Variants in TMPRSS9 observed in about 807,000 individuals in gnomAD.
TMPRSS9 encodes transmembrane serine protease 9.
TMPRSS9 carries 113 observed loss-of-function variants against 111.4 expected under a neutral mutation model. That is an observed-to-expected ratio of 1.01 (90% confidence interval 0.87 to 1.19). The LOEUF (loss-of-function observed/expected upper bound fraction) is 1.19. Ranked by LOEUF, TMPRSS9 falls within the 50% of genes most tolerant of loss-of-function variation. The probability of loss-of-function intolerance (pLI) is 0.00; values close to 1 mark genes in which losing one functional copy is unlikely to be tolerated. For missense variants in TMPRSS9, 1,803 were observed against 1,513.1 expected, an observed-to-expected ratio of 1.19 and a Z score of -3.18; for synonymous variants, 805 against 659.1, an observed-to-expected ratio of 1.22 and a Z score of -3.39.
At chr19:2,363,821 TGTGAGA>T (rs1970226041) in intron 1 of TMPRSS9, among the ~76,000 whole-genome samples, 2 of 112,082 alleles carry the variant, frequency 1.8e-5, no homozygotes, top group East Asian at 2.9e-4. Context: ...CGCGTGTGTG[TGTGAGA>T]GAGAGAGAGA....
Position 2,418,273 on chromosome 19 carries a change from C to T in TMPRSS9, c.2154+135C>T. 6 of 976,574 alleles carry T rather than the reference C, an allele frequency of 6.1e-6. 1 individual carries two copies. The South Asian group carries it at 9.9e-5, about 16-fold the overall frequency. 60.5% of individuals were successfully genotyped at this position (976,574 alleles called of 1,614,324 possible). A position where few individuals can be genotyped will look rare whatever the true frequency, so the allele number is the denominator to read the frequency against. On this transcript the variant is annotated intron_variant, in intron 13 of 17. Coordinates refer to ENST00000648592, the Ensembl canonical transcript of TMPRSS9. ...CCCCCTCCTTCCCTCCTTGTCCTTC[C>T]CTCCTTTTCCTTTCCTCCTTTCCTT...
At chr19:2,415,961 C>A in intron 11 of TMPRSS9, 120 bp downstream of exon 12, 1 of 1,208,782 alleles carries the variant, frequency 8.3e-7, no homozygotes, top group Non-Finnish European at 1.1e-6. Context: ...CCCTTCCTCT[C>A]CTGAGGGCAG....
chr19:2,397,013 C>T (rs961125338), intron 2 of TMPRSS9, among the ~76,000 whole-genome samples: 1 of 151,724 alleles, frequency 6.6e-6, no homozygotes, highest in Non-Finnish European at 1.5e-5. Flanking sequence ...CTCCGCTGCT[C>T]AGGTTCAAGC....
chr19:2,419,226 C>T (rs541708045), intron 13 of TMPRSS9, among the ~76,000 whole-genome samples: 9 of 143,916 alleles, frequency 6.3e-5, no homozygotes, highest in East Asian at 4.1e-4. Context: ...TTCTTTCTGA[C>T]GGAGTCTGGC....
At chr19:2,415,599 GACC>G in intron 10 of TMPRSS9, 68 bp from the exon 12 acceptor site, 1 of 1,376,754 alleles carries the variant, frequency 7.3e-7, no homozygotes, top group South Asian at 1.6e-5. Context: ...GGTGTCCTGG[GACC>G]ACCCCACCGG....
At chr19:2,374,285 T>TA (rs1970313239) in intron 1 of TMPRSS9, among the ~76,000 whole-genome samples, 1 of 108,488 alleles carries the variant, frequency 9.2e-6, no homozygotes, top group Non-Finnish European at 1.8e-5. Context: ...TTTTTTTTTT[T>TA]AAAGAGGTAG....
chr19:2,382,232 C>A (rs1970393601), intron 1 of TMPRSS9, among the ~76,000 whole-genome samples: 1 of 152,154 alleles, frequency 6.6e-6, no homozygotes, highest in African/African-American at 2.4e-5. Flanking sequence ...GCAACCTCTG[C>A]CTCTGAGGTT....
At chr19:2,384,069 G>A (rs10417197) in intron 1 of TMPRSS9, among the ~76,000 whole-genome samples, 59,634 of 151,890 alleles carry the variant, frequency 0.39, 12,127 homozygotes, top group East Asian at 0.6. Context: ...TCCCTCCAGA[G>A]AAGCCCTCGG....
At chr19:2,392,560 A>C (rs1970619731) in intron 1 of TMPRSS9, among the ~76,000 whole-genome samples, 1 of 152,220 alleles carries the variant, frequency 6.6e-6, no homozygotes, top group South Asian at 2.1e-4. Flanking sequence ...GCAGAAAATT[A>C]GCCAGGGCCG....
chr19:2,424,573 T>C (rs944440835), intron 15 of TMPRSS9, among the ~76,000 whole-genome samples: 7 of 148,950 alleles, frequency 4.7e-5, no homozygotes, highest in South Asian at 2.1e-4. Context: ...CACGGGAACA[T>C]TGGGGTCACT....
rs868596885 is a variant in TMPRSS9, at chr19:2,380,931, T to C, written c.-25-8830T>C. Among the ~76,000 whole-genome samples, 4 of 152,248 alleles carry C rather than the reference T, an allele frequency of 2.6e-5. No homozygotes were observed. In the Middle Eastern group the frequency reaches 0.01, roughly 388 times the overall value. ...ACTGGAGGCTTACTCAATTCCTATT[T>C]ATCCTTCCGAACTTGAATAACTCAT... is the stretch of plus-strand genomic sequence containing the variant. On this transcript the variant is annotated intron_variant, in intron 1 of 17. Coordinates refer to the TMPRSS9 transcript ENST00000649857.
At chr19:2,414,903 C>T (rs1363766852) in intron 10 of TMPRSS9, among the ~76,000 whole-genome samples, 1 of 149,700 alleles carries the variant, frequency 6.7e-6, no homozygotes, top group African/African-American at 2.5e-5. Flanking sequence ...ACTTGTAGGA[C>T]TATATCTCTG....
At chr19:2,365,124 G>T (rs1970238632) in intron 1 of TMPRSS9, among the ~76,000 whole-genome samples, 2 of 152,144 alleles carry the variant, frequency 1.3e-5, no homozygotes, top group Admixed American at 1.3e-4. Flanking sequence ...ACTCATAAGT[G>T]ATTGGAAGGT....
chr19:2,364,000 AGGAC>A (rs1053949240), intron 1 of TMPRSS9, among the ~76,000 whole-genome samples: 26 of 151,950 alleles, frequency 1.7e-4, no homozygotes, highest in African/African-American at 6.3e-4. Context: ...CTACACCAAC[AGGAC>A]GCTGTTGGTA....
chr19:2,399,531 G>A (rs1055566422), intron 4 of TMPRSS9, among the ~76,000 whole-genome samples: 2 of 152,162 alleles, frequency 1.3e-5, no homozygotes, highest in Admixed American at 6.6e-5. Context: ...AGCCGAGATC[G>A]TGCCATTGCA....
chr19:2,396,924 T>C (rs1443193212), intron 2 of TMPRSS9, among the ~76,000 whole-genome samples: 1 of 151,786 alleles, frequency 6.6e-6, no homozygotes, highest in Non-Finnish European at 1.5e-5. Flanking sequence ...TTTTTTTTTT[T>C]TTCTTTTTTT....
chr19:2,374,658 G>T (rs1048878040), intron 1 of TMPRSS9, among the ~76,000 whole-genome samples: 2 of 152,180 alleles, frequency 1.3e-5, no homozygotes, highest in African/African-American at 2.4e-5. Flanking sequence ...GCGTTGCTCT[G>T]GTTGTCTCTG....
At chr19:2,415,910 C>G (rs1466387876) in intron 11 of TMPRSS9, 69 bp downstream of exon 12, 2 of 1,494,594 alleles carry the variant, frequency 1.3e-6, no homozygotes, top group African/African-American at 1.4e-5. Flanking sequence ...TGTCAGAAAC[C>G]ATCCTGCTGG....
chr19:2,380,467 G>A (rs943317145), intron 1 of TMPRSS9, among the ~76,000 whole-genome samples: 20 of 151,898 alleles, frequency 1.3e-4, no homozygotes, highest in Admixed American at 1.3e-3. Flanking sequence ...CAGGCATGGT[G>A]GCATGCACCT....
Sources: allele counts gnomAD v4.1 joint callset (sites outside exome capture counted in the v4.1 genomes callset), GRCh38; gene constraint gnomAD v4.1.1; transcripts MANE v1.5; gene names NCBI Gene and HGNC (gene_info 2026-07-23, HGNC 2026-07-21).